Variants in RSU1 observed in about 807,000 individuals in gnomAD.
RSU1 encodes the protein rsu-1.
In RSU1, 26 loss-of-function variants were observed where a neutral mutation model predicts 31.1. The ratio of observed to expected loss-of-function variants is 0.84; its 90% CI spans 0.61 to 1.16. The LOEUF (loss-of-function observed/expected upper bound fraction) is 1.16, where lower values mean the gene tolerates loss of function less well. Ranked by LOEUF, RSU1 falls within the 50% of genes most tolerant of loss-of-function variation. RSU1 has a pLI of 0.00. For missense variants in RSU1, 320 were observed against 339.1 expected (o/e 0.94, Z 0.44); for synonymous variants, 164 against 136.3 (o/e 1.20, Z -1.41).
intron 7 of RSU1, 113 bp from the exon 8 acceptor site, chr10:16,695,268 C>T: frequency 9.9e-7 from 1 of 1,005,970 alleles, no homozygotes; most frequent in Non-Finnish European, 1.4e-6. Flanking sequence ...CTAAGTGCCT[C>T]TTGGATCATT....
chr10:16,737,187 A>T (rs938385578), intron 7 of RSU1, among the ~76,000 whole-genome samples: 5 of 152,182 alleles, frequency 3.3e-5, no homozygotes, highest in African/African-American at 4.8e-5. Context: ...AAAAGGCTGA[A>T]AATTACTAAC....
chr10:16,682,532 T>TCATA (rs1835345331), intron 8 of RSU1, among the ~76,000 whole-genome samples: 1 of 46,622 alleles, frequency 2.1e-5, no homozygotes, highest in South Asian at 6.9e-4. Flanking sequence ...TTAAAATCAT[T>TCATA]CATACACACA....
chr10:16,724,865 C>A (rs143219735), intron 7 of RSU1, among the ~76,000 whole-genome samples: 1 of 152,306 alleles, frequency 6.6e-6, no homozygotes, highest in East Asian at 1.9e-4. Context: ...AAATACTGCT[C>A]TATGCAACAA....
At chr10:16,716,305 T>C (rs1329983609) in intron 7 of RSU1, among the ~76,000 whole-genome samples, 1 of 152,166 alleles carries the variant, frequency 6.6e-6, no homozygotes, top group Non-Finnish European at 1.5e-5. Flanking sequence ...TGTGGGAGGC[T>C]TGGAGCTCTT....
chr10:16,714,312 C>A (rs1042665387), intron 7 of RSU1, among the ~76,000 whole-genome samples: 5 of 152,160 alleles, frequency 3.3e-5, no homozygotes, highest in African/African-American at 9.7e-5. Context: ...CACCACTGGC[C>A]CAGCTCTTGG....
intron 3 of RSU1, among the ~76,000 whole-genome samples, chr10:16,780,319 G>A (rs367956680): frequency 4.8e-4 from 73 of 152,302 alleles, no homozygotes; most frequent in African/African-American, 1.6e-3. Flanking sequence ...GAGCAGGGTC[G>A]TCATCATGGC....
intron 8 of RSU1, among the ~76,000 whole-genome samples, chr10:16,657,382 C>A (rs185235991): frequency 6.6e-6 from 1 of 151,852 alleles, no homozygotes; most frequent in Non-Finnish European, 1.5e-5. Context: ...AGAGTATGTA[C>A]GAATATGTCT....
intron 7 of RSU1, among the ~76,000 whole-genome samples, chr10:16,697,193 C>T (rs967762932): frequency 5.3e-5 from 8 of 152,130 alleles, no homozygotes; most frequent in African/African-American, 1.9e-4. Flanking sequence ...CAGCAATGCC[C>T]TCATCAGCTG....
intron 8 of RSU1, among the ~76,000 whole-genome samples, chr10:16,593,999 C>A (rs1169432847): frequency 1.3e-5 from 2 of 152,208 alleles, no homozygotes; most frequent in Non-Finnish European, 2.9e-5. Flanking sequence ...TTAATAAGTA[C>A]CGCTGATTAA....
intron 8 of RSU1, among the ~76,000 whole-genome samples, chr10:16,616,327 A>G (rs1237043763): frequency 6.6e-6 from 1 of 150,924 alleles, no homozygotes; most frequent in Non-Finnish European, 1.5e-5. Flanking sequence ...GAAGAGACCA[A>G]TAACAAATTC....
At chr10:16,627,671 C>T (rs957041527) in intron 8 of RSU1, among the ~76,000 whole-genome samples, 9 of 150,516 alleles carry the variant, frequency 6.0e-5, no homozygotes, top group African/African-American at 2.2e-4. Flanking sequence ...GCAGGAGAAT[C>T]GCTTGAATCT....
intron 7 of RSU1, among the ~76,000 whole-genome samples, chr10:16,731,029 G>C (rs534502370): frequency 1.3e-5 from 2 of 152,138 alleles, no homozygotes; most frequent in South Asian, 4.2e-4. Context: ...TCACCATGTT[G>C]GCCAGGCTGG....
At chr10:16,763,165 C>T (rs1837243673) in intron 4 of RSU1, among the ~76,000 whole-genome samples, 3 of 152,112 alleles carry the variant, frequency 2.0e-5, no homozygotes, top group Admixed American at 6.5e-5. Context: ...CTGATAGCTG[C>T]GCCAATGAAG....
intron 4 of RSU1, among the ~76,000 whole-genome samples, chr10:16,757,654 G>C (rs974191930): frequency 1.3e-5 from 2 of 152,056 alleles, no homozygotes; most frequent in Non-Finnish European, 2.9e-5. Flanking sequence ...GAGAGGGTGA[G>C]GAGCCAAGAC....
At chr10:16,783,944 G>A (rs1588532994) in intron 2 of RSU1, among the ~76,000 whole-genome samples, 1 of 152,162 alleles carries the variant, frequency 6.6e-6, no homozygotes, top group Non-Finnish European at 1.5e-5. Flanking sequence ...AATAGGATCT[G>A]GTTGAGAATT....
chr10:16,615,806 A>G (rs1207488074), intron 8 of RSU1, among the ~76,000 whole-genome samples: 1 of 152,252 alleles, frequency 6.6e-6, no homozygotes, highest in Non-Finnish European at 1.5e-5. Flanking sequence ...GGCAGAAAAA[A>G]GTAAGTTCTC....
At chr10:16,699,229 T>C (rs1332750391) in intron 7 of RSU1, among the ~76,000 whole-genome samples, 1 of 152,210 alleles carries the variant, frequency 6.6e-6, no homozygotes, top group Non-Finnish European at 1.5e-5. Context: ...GCTTGTTTTG[T>C]TTTTCAACTT....
chr10:16,798,889 T>A (rs534510957), intron 2 of RSU1, among the ~76,000 whole-genome samples: 79 of 151,948 alleles, frequency 5.2e-4, no homozygotes, highest in Non-Finnish European at 9.4e-4. Flanking sequence ...AACTGTCGAG[T>A]CTCTATACCT....
At chr10:16,676,485 C>T (rs1048980959) in intron 8 of RSU1, among the ~76,000 whole-genome samples, 2 of 152,192 alleles carry the variant, frequency 1.3e-5, no homozygotes, top group Non-Finnish European at 2.9e-5. Flanking sequence ...CCTCCCACAA[C>T]ATGTGGGGAT....
Sources: gnomAD v4.1 joint callset for allele counts (sites outside exome capture counted in the v4.1 genomes callset) on GRCh38, gnomAD v4.1.1 for gene constraint, MANE v1.5 for transcripts, NCBI Gene and HGNC (gene_info 2026-07-23, HGNC 2026-07-21) for gene names.